The following MOK variants were observed in gnomAD, a reference collection of about 807,000 sequenced individuals.
The protein encoded by MOK is MAPK/MAK/MRK overlapping kinase.
A neutral mutation model predicts 54.2 loss-of-function variants in MOK; 59 were observed. That is an observed-to-expected ratio of 1.09 (90% CI 0.88 to 1.35). The LOEUF is 1.35. Among genes scored for constraint, MOK ranks in the 40% most tolerant of loss-of-function variants. MOK has a pLI of 0.00. For missense variants in MOK, 517 were observed against 526.2 expected (o/e 0.98, Z 0.17); for synonymous variants, 210 against 202.7 (o/e 1.04, Z -0.31).
chr14:102,251,232 C>A (rs2066503087), intron 6 of MOK, among the ~76,000 whole-genome samples: 1 of 152,188 alleles, frequency 6.6e-6, no homozygotes. Flanking sequence ...AAAATGCCTA[C>A]AGGTTTGGAA....
At chr14:102,220,658 T>C (rs2063776553), downstream of MOK, among the ~76,000 whole-genome samples, 5 of 148,656 alleles carry the variant, frequency 3.4e-5, no homozygotes, top group South Asian at 1.1e-3. The surrounding 1 kb of genome is among the most constrained non-coding windows in gnomAD (Gnocchi z 4.2). Context: ...AGGTGGAGCT[T>C]GCAGTGAGCC....
intron 4 of MOK, among the ~76,000 whole-genome samples, chr14:102,258,724 C>G (rs2067163535): frequency 6.6e-6 from 1 of 152,208 alleles, no homozygotes. Flanking sequence ...CCAGCAATTC[C>G]TTTTCTCTTA....
intron 2 of MOK, among the ~76,000 whole-genome samples, chr14:102,272,533 T>C (rs917064057): frequency 6.6e-6 from 1 of 152,058 alleles, no homozygotes; most frequent in African/African-American, 2.4e-5. Context: ...GACAAAATAC[T>C]ATCAAATCCA....
chr14:102,283,654 C>A, intron 1 of MOK, 62 bp from the exon 2 acceptor site: 2 of 1,005,806 alleles, frequency 2.0e-6, no homozygotes, highest in East Asian at 2.6e-5. Flanking sequence ...TATTCACTTC[C>A]AGACAGCAAA....
intron 2 of MOK, among the ~76,000 whole-genome samples, chr14:102,274,704 G>A (rs2068689420): frequency 1.3e-5 from 2 of 151,402 alleles, no homozygotes; most frequent in Non-Finnish European, 2.9e-5. Context: ...GCCGGGCACG[G>A]TAACTCACGC....
rs566166294 is a variant in MOK, at chr14:102,293,409, CTG to C, written c.8-9819_8-9818del. On this transcript the variant is annotated intron_variant, in intron 1 of 11. Coordinates refer to ENST00000361847, the MANE Select transcript of MOK (RefSeq NM_014226.3). ...CACACAACACATGCACAGAGAAAGA[CTG>C]AATACAGCTGGGTGCGGTGGCTCAC... Among the ~76,000 whole-genome samples the C allele has an allele frequency of 1.5e-4, 23 of 152,190 alleles. No individual in the cohort carries two copies. The South Asian group carries it at 4.6e-3, about 30-fold the overall frequency.
At chr14:102,247,574 C>T (rs1396297359) in intron 7 of MOK, 2 of 152,238 alleles carry the variant, frequency 1.3e-5, no homozygotes, top group African/African-American at 4.8e-5. Context: ...ACCTCTGTTT[C>T]CTATTACCAA....
At chr14:102,278,649 C>T (rs894213367) in intron 2 of MOK, 18 of 454,668 alleles carry the variant, frequency 4.0e-5, no homozygotes, top group Middle Eastern at 5.2e-4. Context: ...TGGGTAGCAA[C>T]GGGCCAGGTG....
At chr14:102,299,438 C>T (rs1011995174) in intron 1 of MOK, among the ~76,000 whole-genome samples, 4 of 151,910 alleles carry the variant, frequency 2.6e-5, no homozygotes, top group Non-Finnish European at 5.9e-5. Flanking sequence ...TTGCTTGAAC[C>T]CTGGAGGCAG....
chr14:102,293,115 A>G (rs2070953887), intron 1 of MOK, among the ~76,000 whole-genome samples: 1 of 152,202 alleles, frequency 6.6e-6, no homozygotes, highest in Non-Finnish European at 1.5e-5. Flanking sequence ...CCTGGGTGAC[A>G]GAGCTAGATT....
intron 2 of MOK, among the ~76,000 whole-genome samples, chr14:102,282,530 T>C (rs913662904): frequency 1.4e-5 from 2 of 144,276 alleles, no homozygotes; most frequent in Middle Eastern, 3.8e-3. Flanking sequence ...AGGTCAGGAG[T>C]TCAAGACCAG....
At position 102,263,629 on chromosome 14, in the gene MOK, G is replaced by T; in HGVS notation, c.213-13C>A. On this transcript the variant is annotated splice_polypyrimidine_tract_variant and intron_variant, in intron 3 of 11. Coordinates refer to ENST00000361847, the MANE Select transcript of MOK (RefSeq NM_014226.3). ...AGATTTTCTGTCACTGAAGAAGAAA[G>T]CAAGTTTTTAAAATAAATTTTCTGG... 6.3e-7 allele frequency: 1 copy of T among 1,580,988 alleles called. No homozygotes were observed. Among genetic ancestry groups the T allele is most frequent in the Non-Finnish European group, 8.6e-7 (1 of 1,163,372 alleles).
At chr14:102,229,810 C>A (rs1209188020) in intron 10 of MOK, 153 bp from the exon 11 acceptor site, 59 of 714,778 alleles carry the variant, frequency 8.3e-5, no homozygotes, top group Non-Finnish European at 1.2e-4. Flanking sequence ...TCCCAGACAC[C>A]CCAAGGGAGT....
At chr14:102,290,580 T>C (rs764541860) in intron 1 of MOK, among the ~76,000 whole-genome samples, 1 of 152,162 alleles carries the variant, frequency 6.6e-6, no homozygotes, top group African/African-American at 2.4e-5. Flanking sequence ...CAGAGCCAAG[T>C]GTCACAACTG....
the MOK span, among the ~76,000 whole-genome samples, chr14:102,215,250 G>A: frequency 2.6e-5 from 4 of 152,188 alleles, no homozygotes; most frequent in South Asian, 2.1e-4. Flanking sequence ...ACTCCAGTCC[G>A]GGAGAAGGAC....
intron 2 of MOK, 125 bp from the exon 3 acceptor site, chr14:102,266,037 T>G: frequency 1.5e-6 from 1 of 685,232 alleles, no homozygotes; most frequent in Non-Finnish European, 2.4e-6. Flanking sequence ...AATCAGGTTT[T>G]ATTTCTCCCA....
chr14:102,221,432 C>A (rs762916472), downstream of MOK, among the ~76,000 whole-genome samples: 2 of 152,182 alleles, frequency 1.3e-5, no homozygotes, highest in Admixed American at 1.3e-4. This position sits in a 1 kb window ranked among gnomAD's most constrained non-coding sequence, Gnocchi z 4.8. Flanking sequence ...AGACTGTCTG[C>A]GGCAGAAGTG....
At chr14:102,294,292 A>AAAAC (rs1374149023) in intron 1 of MOK, among the ~76,000 whole-genome samples, 2 of 151,934 alleles carry the variant, frequency 1.3e-5, no homozygotes, top group East Asian at 1.9e-4. Context: ...TAAAAATACA[A>AAAAC]AAAATTAGCC....
At position 102,290,953 on chromosome 14, in the gene MOK, C is replaced by T. The variant is rs557208754; in HGVS notation, c.8-7361G>A. Among the ~76,000 whole-genome samples, 252 of 152,178 alleles carry T rather than the reference C, an allele frequency of 1.7e-3. 1 individual carries two copies. The highest frequency in any genetic ancestry group is 5.8e-3 in the African/African-American group (241 of 41,514). ...CCAGCACCGCTCTAGATCCCCAAAC[C>T]GAAGATCTTCAAACTATGCTATTAG... On this transcript the variant is annotated intron_variant, in intron 1 of 11. Transcript: ENST00000361847.
Sources: gnomAD v4.1 joint callset for allele counts (sites outside exome capture counted in the v4.1 genomes callset) on GRCh38, gnomAD v4.1.1 for gene constraint, Gnocchi (gnomAD v3.1) non-coding constraint, MANE v1.5 for transcripts, NCBI Gene and HGNC (gene_info 2026-07-23, HGNC 2026-07-21) for gene names.